The following EIF2A variants were observed in gnomAD, a reference collection of about 807,000 sequenced individuals.
The protein encoded by EIF2A is eukaryotic translation initiation factor 2A, also known as 65 kDa eukaryotic translation initiation factor 2A.
In EIF2A, 62 loss-of-function variants were observed where a neutral mutation model predicts 75.2. That is an observed-to-expected ratio of 0.82 (90% CI 0.67 to 1.02). The LOEUF is 1.02. Among genes scored for constraint, EIF2A ranks in the 50% least tolerant of loss-of-function variants. EIF2A has a pLI of 0.00. For synonymous variants in EIF2A, 207 were observed against 239.0 expected (o/e 0.87, Z 1.23); for missense variants, 611 against 677.7 (o/e 0.90, Z 1.09).
intron 12 of EIF2A, among the ~76,000 whole-genome samples, chr3:150,582,204 T>C (rs2107979801): frequency 6.6e-6 from 1 of 151,812 alleles, no homozygotes; most frequent in Non-Finnish European, 1.5e-5. Context: ...TTTCACCATG[T>C]TGGCCAGGCT....
chr3:150,565,190 G>T (rs1434756978), intron 6 of EIF2A: 1 of 456,496 alleles, frequency 2.2e-6, no homozygotes, highest in African/African-American at 2.0e-5. Flanking sequence ...TAAATTGCAA[G>T]TTGGCTCTAG....
At chr3:150,569,683 T>C (rs924278173) in intron 9 of EIF2A, among the ~76,000 whole-genome samples, 4 of 151,996 alleles carry the variant, frequency 2.6e-5, no homozygotes, top group Admixed American at 1.3e-4. Context: ...GGTGTGGTGG[T>C]ACATGCCTGT....
chr3:150,576,468 T>TA (rs1385406665), intron 11 of EIF2A, among the ~76,000 whole-genome samples: 1 of 152,212 alleles, frequency 6.6e-6, no homozygotes, highest in African/African-American at 2.4e-5. Context: ...CCTTGGCTCT[T>TA]ACGTTATAAA....
At chr3:150,576,504 G>A (rs190878042) in intron 11 of EIF2A, among the ~76,000 whole-genome samples, 1 of 152,288 alleles carries the variant, frequency 6.6e-6, no homozygotes, top group East Asian at 1.9e-4. Flanking sequence ...GACTTAAATA[G>A]GCAGAATATC....
chr3:150,560,156 C>A (rs1266432600), intron 3 of EIF2A, among the ~76,000 whole-genome samples: 1 of 152,148 alleles, frequency 6.6e-6, no homozygotes, highest in Non-Finnish European at 1.5e-5. Flanking sequence ...CCACACTTAA[C>A]CTTCTATGGG....
At chr3:150,569,078 G>A (rs1014442189) in intron 9 of EIF2A, among the ~76,000 whole-genome samples, 1 of 152,092 alleles carries the variant, frequency 6.6e-6, no homozygotes, top group Non-Finnish European at 1.5e-5. Flanking sequence ...TATTTCCATT[G>A]AAGTCAGAGA....
At chr3:150,548,697 G>A (rs1358511608) in intron 1 of EIF2A, among the ~76,000 whole-genome samples, 1 of 152,202 alleles carries the variant, frequency 6.6e-6, no homozygotes, top group Non-Finnish European at 1.5e-5. Flanking sequence ...TTAAATTAAT[G>A]AAGGATAGCC....
chr3:150,559,593 C>T (rs1218307300), intron 3 of EIF2A, among the ~76,000 whole-genome samples: 1 of 146,756 alleles, frequency 6.8e-6, no homozygotes, highest in Non-Finnish European at 1.5e-5. Flanking sequence ...CAGGTTCAAG[C>T]GATTCGCCTG....
intron 13 of EIF2A, among the ~76,000 whole-genome samples, 156 bp downstream of exon 13, chr3:150,583,421 T>C (rs931823890): frequency 7.2e-5 from 11 of 152,244 alleles, no homozygotes; most frequent in Admixed American, 7.2e-4. Context: ...TACTTTTAAA[T>C]AGCTTTACTC....
Position 150,550,605 on chromosome 3 carries a change from G to A in EIF2A, c.29-1751G>A, listed in dbSNP as rs149182091. 5.8e-4 allele frequency among the ~76,000 whole-genome samples: 88 copies of A among 152,286 alleles called. No individual in the cohort carries two copies. In the East Asian group the frequency reaches 0.011, roughly 19 times the overall value. On this transcript the variant is annotated intron_variant, in intron 1 of 13. Transcript: ENST00000460851. ...CTTACAGCTGTAATCCCAGCACTTT[G>A]GAAGGCTGAGGGAAGCAGATTGGAT... is the stretch of plus-strand genomic sequence containing the variant.
At chr3:150,562,790 T>A (rs1445603409) in intron 4 of EIF2A, 130 bp downstream of exon 4, 1 of 639,388 alleles carries the variant, frequency 1.6e-6, no homozygotes, top group African/African-American at 1.8e-5. Flanking sequence ...TGTTTGTGAA[T>A]ATTTATGATC....
In EIF2A at chr3:150,567,680, C is replaced by T. The variant is rs1438630678; in HGVS notation, c.476-13C>T. ...TCTCTCATCAATCTGATTTAATTTA[C>T]TCTTTTTTTTAGACACAATTGCAAA... On this transcript the variant is annotated splice_polypyrimidine_tract_variant and intron_variant, in intron 6 of 13. Transcript: ENST00000460851. 1.6e-5 allele frequency: 24 copies of T among 1,496,492 alleles called. No homozygotes were observed. In the Admixed American group the frequency reaches 4.8e-4, roughly 30 times the overall value. The allele number at this position is 1,496,492 out of a possible 1,614,324, so 92.7% of individuals were successfully genotyped here. A position where few individuals can be genotyped will look rare whatever the true frequency, so the allele number is the denominator to read the frequency against.
At chr3:150,583,816 T>C (rs765932731) in intron 13 of EIF2A, 30 bp from the exon 14 acceptor site, 1 of 1,606,614 alleles carries the variant, frequency 6.2e-7, no homozygotes, top group South Asian at 1.1e-5. Flanking sequence ...AATTATTTCA[T>C]AATAACTTCA....
chr3:150,571,880 CT>C, intron 9 of EIF2A, 77 bp from the exon 10 acceptor site: 1 of 1,320,466 alleles, frequency 7.6e-7, no homozygotes, highest in Non-Finnish European at 1.0e-6. Context: ...TTTGTGAGTA[CT>C]ATATGATGGT....
rs575542256 is a variant in EIF2A at position 150,546,789 on chromosome 3, C to G, written c.-14C>G. On this transcript the variant is annotated 5_prime_UTR_variant, in exon 1 of 14. Coordinates refer to ENST00000460851, the MANE Select transcript of EIF2A (RefSeq NM_032025.5). ...GTGAACTCTCACCCGAGCGGTTTCT[C>G]TTTCCGGGACAACATGGCGCCGTCC... The G allele has an allele frequency of 2.5e-6, 4 of 1,612,372 alleles. No homozygotes were observed. The African/African-American group carries it at 4.0e-5, about 16-fold the overall frequency.
intron 2 of EIF2A, chr3:150,557,816 T>C (rs1723647232): frequency 3.9e-6 from 1 of 257,910 alleles, no homozygotes; most frequent in Non-Finnish European, 7.8e-6. Flanking sequence ...GCAAAGATAG[T>C]GTAAGGGATG....
intron 12 of EIF2A, among the ~76,000 whole-genome samples, chr3:150,582,312 T>C (rs1367500776): frequency 3.7e-5 from 5 of 135,988 alleles, no homozygotes; most frequent in Non-Finnish European, 6.4e-5. Flanking sequence ...CACTTTTTAA[T>C]TTAATTTAAT....
chr3:150,571,135 C>G (rs1348614574), intron 9 of EIF2A, among the ~76,000 whole-genome samples: 3 of 151,768 alleles, frequency 2.0e-5, no homozygotes, highest in Admixed American at 2.0e-4. Flanking sequence ...TGTAAAATGA[C>G]CTGTGTTTGT....
At chr3:150,561,131 A>G (rs1723829908) in intron 3 of EIF2A, among the ~76,000 whole-genome samples, 1 of 152,042 alleles carries the variant, frequency 6.6e-6, no homozygotes. Context: ...TATTTAAAAA[A>G]AATTTTTTTT....
Sources: allele counts gnomAD v4.1 joint callset (sites outside exome capture counted in the v4.1 genomes callset), GRCh38; gene constraint gnomAD v4.1.1; transcripts MANE v1.5; gene names NCBI Gene and HGNC (gene_info 2026-07-23, HGNC 2026-07-21).